The following PAX7 variants were observed in gnomAD, a reference collection of about 807,000 sequenced individuals.
The protein encoded by PAX7 is paired box protein Pax-7.
Under a neutral mutation model 50.7 loss-of-function variants are expected in PAX7, and 18 were observed. That is an observed-to-expected ratio of 0.36 (90% CI 0.25 to 0.53). The LOEUF (loss-of-function observed/expected upper bound fraction) is 0.53. Among genes scored for constraint, PAX7 ranks in the 20% least tolerant of loss-of-function variants. The pLI, the probability that PAX7 is intolerant of heterozygous loss-of-function variation, is 0.93. For synonymous variants in PAX7, 310 were observed against 290.4 expected, an observed-to-expected ratio of 1.07 and a Z score of -0.69; for missense variants, 644 against 702.9, an observed-to-expected ratio of 0.92 and a Z score of 0.95.
chr1:18,664,976 C>T (rs1170400469), intron 4 of PAX7, among the ~76,000 whole-genome samples: 1 of 152,054 alleles, frequency 6.6e-6, no homozygotes, highest in Non-Finnish European at 1.5e-5. Context: ...AATCTTGAGT[C>T]AGCTGGACCC....
intron 4 of PAX7, among the ~76,000 whole-genome samples, chr1:18,668,193 C>T (rs779070924): frequency 6.6e-6 from 1 of 152,194 alleles, no homozygotes; most frequent in Non-Finnish European, 1.5e-5. Flanking sequence ...CAAGGAGCAG[C>T]CCAGGCTGAG....
At chr1:18,706,863 C>G (rs1344354694) in intron 7 of PAX7, among the ~76,000 whole-genome samples, 1 of 152,006 alleles carries the variant, frequency 6.6e-6, no homozygotes, top group Non-Finnish European at 1.5e-5. Context: ...TGGACAGACC[C>G]GGGTTAAGCT....
At chr1:18,670,912 C>A (rs928622789) in intron 4 of PAX7, among the ~76,000 whole-genome samples, 13 of 152,202 alleles carry the variant, frequency 8.5e-5, no homozygotes, top group Admixed American at 2.6e-4. Flanking sequence ...TTAACAGGAA[C>A]CTGATGGGAC....
chr1:18,709,226 G>A (rs1257671312), intron 7 of PAX7, among the ~76,000 whole-genome samples: 1 of 151,982 alleles, frequency 6.6e-6, no homozygotes, highest in African/African-American at 2.4e-5. Context: ...CGGCATCCTT[G>A]GCTGGGGTCT....
At chr1:18,669,621 C>T (rs186786204) in intron 4 of PAX7, among the ~76,000 whole-genome samples, 1 of 152,302 alleles carries the variant, frequency 6.6e-6, no homozygotes, top group Non-Finnish European at 1.5e-5. Flanking sequence ...ATGTCTCAGA[C>T]ATTGGAGACA....
At chr1:18,720,088 C>G (rs557938050) in intron 7 of PAX7, among the ~76,000 whole-genome samples, 2 of 152,316 alleles carry the variant, frequency 1.3e-5, no homozygotes, top group African/African-American at 4.8e-5. Context: ...GCTGGGCTGC[C>G]AGAACAGGCA....
chr1:18,737,173 G>A (rs563990585), intron 8 of PAX7, among the ~76,000 whole-genome samples: 1 of 152,368 alleles, frequency 6.6e-6, no homozygotes, highest in African/African-American at 2.4e-5. Context: ...GAGGTCATGG[G>A]TCACTTTCCT....
chr1:18,718,733 C>T (rs1475075747), intron 7 of PAX7, among the ~76,000 whole-genome samples: 5 of 151,954 alleles, frequency 3.3e-5, no homozygotes, highest in African/African-American at 1.2e-4. Context: ...ACCTCCGCCT[C>T]CCAGGTTCAA....
chr1:18,632,797 C>G lies in PAX7; in HGVS notation c.85+1109C>G, dbSNP rs2088076794. ...GACGGCGCCGGGTCCCTGAATTAGA[C>G]AGAGGCGAAGAGAGCGGCTCCGTGA... On this transcript the variant is annotated intron_variant, in intron 1 of 8. Transcript: ENST00000420770. The surrounding 1 kb of genome is among the most constrained non-coding windows in gnomAD (Gnocchi z 6.3). Among the ~76,000 whole-genome samples, 1 of 152,106 alleles carries G rather than the reference C, an allele frequency of 6.6e-6. No homozygotes were observed. Among genetic ancestry groups the G allele is most frequent in the African/African-American group, 2.4e-5 (1 of 41,398 alleles).
At chr1:18,681,693 TTATTTTA>T (rs1297011645) in intron 4 of PAX7, among the ~76,000 whole-genome samples, 68 of 12,050 alleles carry the variant, frequency 5.6e-3, no homozygotes, top group African/African-American at 0.013. Context: ...GGCTTAGAAT[TTATTTTA>T]TTTTATTTTA....
In PAX7 at chr1:18,634,416, A is replaced by T. The variant is rs2088110662; in HGVS notation, c.199A>T (p.Ile67Phe). The T allele has an allele frequency of 1.9e-6, 3 of 1,614,074 alleles. No homozygotes were observed. In the South Asian group the frequency reaches 3.3e-5, roughly 18 times the overall value. ...GATAGTGGAGATGGCCCACCATGGC[A>T]TCCGGCCCTGTGTCATCTCCCGACA... ...HKIVEMAHHGIRPCVISRQLR... is the reference protein window; with the variant it reads ...HKIVEMAHHGFRPCVISRQLR... Residue 67 changes from isoleucine (I) to phenylalanine (F), a missense_variant, in exon 2 of 9, where the codon ATC (isoleucine) becomes TTC (phenylalanine). Ile to Phe is a conservative substitution (Grantham distance 21, BLOSUM62 0). Transcript: ENST00000420770. The surrounding 1 kb of genome is among the most constrained non-coding windows in gnomAD (Gnocchi z 4.0).
At chr1:18,723,406 C>T (rs941097649) in intron 7 of PAX7, among the ~76,000 whole-genome samples, 8 of 152,210 alleles carry the variant, frequency 5.3e-5, no homozygotes, top group African/African-American at 1.9e-4. Context: ...TAGCTTGTGG[C>T]TTTCCATGGC....
rs1183530048 is a variant in PAX7 at position 18,700,550 on chromosome 1, T to C, written c.787-103T>C. 9.2e-7 allele frequency: 1 copy of C among 1,086,796 alleles called. No homozygotes were observed. The highest frequency in any genetic ancestry group is 1.3e-6 in the Non-Finnish European group (1 of 782,952). 67.3% of individuals were successfully genotyped at this position (1,086,796 alleles called of 1,614,324 possible). ...CCGGGGCCTGCAGGAGGATGCTGGCTGGATCAGAGGGTGATGGCTTGGGCA... is the reference window on the plus strand; with the variant it reads ...CCGGGGCCTGCAGGAGGATGCTGGCCGGATCAGAGGGTGATGGCTTGGGCA... On this transcript the variant is annotated intron_variant, in intron 5 of 8. Coordinates refer to ENST00000420770, the MANE Select transcript of PAX7 (RefSeq NM_001135254.2). The surrounding 1 kb of genome is among the most constrained non-coding windows in gnomAD (Gnocchi z 4.8).
intron 7 of PAX7, 74 bp downstream of exon 7, chr1:18,703,370 G>A: frequency 7.4e-7 from 1 of 1,347,098 alleles, no homozygotes. Context: ...CACGTGGGTG[G>A]AAGCCTTGCG....
chr1:18,675,870 G>A (rs1341109872), intron 4 of PAX7, among the ~76,000 whole-genome samples: 2 of 152,262 alleles, frequency 1.3e-5, no homozygotes, highest in African/African-American at 2.4e-5. Flanking sequence ...GCGGGGAGAT[G>A]CAGCAGGCCC....
intron 5 of PAX7, among the ~76,000 whole-genome samples, chr1:18,697,208 G>A (rs2282706): frequency 0.057 from 8,615 of 152,242 alleles, 420 homozygotes; most frequent in East Asian, 0.25. Flanking sequence ...CCTACTCCCA[G>A]CGCAGGGTAT....
Position 18,691,947 on chromosome 1 carries a change from T to A in PAX7, c.780T>A (p.Arg260=). 1 of 1,613,126 alleles carries A rather than the reference T, an allele frequency of 6.2e-7. No individual in the cohort carries two copies. The highest frequency in any genetic ancestry group is 1.3e-5 in the African/African-American group (1 of 75,032). Reference sequence around the variant, plus strand: ...AGAGGACCAAGCTGACAGAGGCGCGTGTGCAGGTGAGGAGGCACCTGCGGT... The same window carrying A: ...AGAGGACCAAGCTGACAGAGGCGCGAGTGCAGGTGAGGAGGCACCTGCGGT... ...LAQRTKLTEA[R]VQVWFSNRRA... The change falls in exon 5 of 9, where the codon CGT becomes CGA. Residue 260 remains arginine (R), a synonymous_variant. Transcript: ENST00000420770.
chr1:18,695,096 C>A (rs1057042385), intron 5 of PAX7, among the ~76,000 whole-genome samples: 3 of 151,994 alleles, frequency 2.0e-5, no homozygotes, highest in African/African-American at 7.3e-5. Flanking sequence ...AGCCAAATAC[C>A]TAGATGTGGA....
intron 4 of PAX7, among the ~76,000 whole-genome samples, chr1:18,646,617 A>G (rs1038422665): frequency 6.6e-6 from 1 of 152,170 alleles, no homozygotes; most frequent in South Asian, 2.1e-4. Flanking sequence ...CCCTCTCGGC[A>G]CAGTCCCCGC....
Sources: allele counts gnomAD v4.1 joint callset (sites outside exome capture counted in the v4.1 genomes callset), GRCh38; gene constraint gnomAD v4.1.1; non-coding constraint Gnocchi (gnomAD v3.1); transcripts MANE v1.5; gene names NCBI Gene and HGNC (gene_info 2026-07-23, HGNC 2026-07-21).